The following ELP4 variants were observed in gnomAD, a reference collection of about 807,000 sequenced individuals.
ELP4 encodes the protein elongator acetyltransferase complex subunit 4, also known as elongator complex protein 4.
In ELP4, 51 loss-of-function variants were observed where a neutral mutation model predicts 48.9. The observed-to-expected ratio is 1.04, with a 90% CI of 0.83 to 1.32. The LOEUF is 1.32. ELP4 is among the 40% of genes most tolerant of loss of function. The pLI is 0.00. For synonymous variants in ELP4, 210 were observed against 189.2 expected, an observed-to-expected ratio of 1.11 and a Z score of -0.90; for missense variants, 519 against 514.6, an observed-to-expected ratio of 1.01 and a Z score of -0.08.
chr11:31,704,173 G>C (rs562055413), intron 9 of ELP4, among the ~76,000 whole-genome samples: 16 of 151,692 alleles, frequency 1.1e-4, no homozygotes, highest in African/African-American at 3.9e-4. Context: ...TTCAGATCCT[G>C]TTCTTGTAGT....
intron 1 of ELP4, among the ~76,000 whole-genome samples, chr11:31,518,643 T>G (rs1430932660): frequency 1.3e-5 from 2 of 151,552 alleles, no homozygotes; most frequent in Non-Finnish European, 2.9e-5. Context: ...ACACCTGTAA[T>G]CTCACCACTT....
intron 1 of ELP4, among the ~76,000 whole-genome samples, chr11:31,513,903 C>T (rs1956057079): frequency 6.6e-6 from 1 of 152,022 alleles, no homozygotes; most frequent in Admixed American, 6.5e-5. Context: ...AGAAAAAATG[C>T]CTATTTTTAA....
At chr11:31,510,657 A>G (rs1008126617) in intron 1 of ELP4, 4 of 327,684 alleles carry the variant, frequency 1.2e-5, no homozygotes, top group South Asian at 1.6e-4. Context: ...GCTTCCCAGT[A>G]TTGATTGCTG....
At chr11:31,685,312 T>C (rs1409139927) in intron 9 of ELP4, among the ~76,000 whole-genome samples, 1 of 151,800 alleles carries the variant, frequency 6.6e-6, no homozygotes, top group African/African-American at 2.4e-5. Context: ...GATCGCGCCA[T>C]TGCACTCCAG....
At chr11:31,685,307 C>T (rs992462139) in intron 9 of ELP4, among the ~76,000 whole-genome samples, 3 of 152,020 alleles carry the variant, frequency 2.0e-5, no homozygotes, top group East Asian at 1.9e-4. Context: ...GCTGAGATCG[C>T]GCCATTGCAC....
chr11:31,515,534 A>T (rs1397952099), intron 1 of ELP4, among the ~76,000 whole-genome samples: 1 of 152,094 alleles, frequency 6.6e-6, no homozygotes, highest in Non-Finnish European at 1.5e-5. Flanking sequence ...TCATGGTTAC[A>T]TGTTCCTATA....
At chr11:31,618,147 A>G (rs569728023) in intron 5 of ELP4, among the ~76,000 whole-genome samples, 2 of 152,242 alleles carry the variant, frequency 1.3e-5, no homozygotes, top group South Asian at 4.1e-4. Context: ...ATTTCACCAT[A>G]AAAAGGAATG....
intron 5 of ELP4, among the ~76,000 whole-genome samples, chr11:31,625,184 G>A (rs918312118): frequency 5.3e-5 from 8 of 151,530 alleles, no homozygotes; most frequent in East Asian, 1.9e-4. Context: ...CACCATAAAC[G>A]TGAGTAATAT....
chr11:31,622,760 G>A (rs1031426788), intron 5 of ELP4, among the ~76,000 whole-genome samples: 10 of 151,330 alleles, frequency 6.6e-5, no homozygotes, highest in Non-Finnish European at 8.9e-5. Flanking sequence ...AAACTTGGTC[G>A]TCAGAAAACA....
intron 1 of ELP4, chr11:31,510,252 A>G (rs1208257623): frequency 1.2e-5 from 7 of 564,030 alleles, no homozygotes; most frequent in African/African-American, 1.9e-5. Context: ...CCCTTTTCAT[A>G]TTACGGAGGA....
chr11:31,656,666 C>G (rs1165363121), intron 9 of ELP4, among the ~76,000 whole-genome samples: 1 of 151,966 alleles, frequency 6.6e-6, no homozygotes, highest in East Asian at 1.9e-4. Flanking sequence ...TAGAATCTTA[C>G]TAACAGTCTC....
At chr11:31,676,359 T>G (rs1173887502) in intron 9 of ELP4, among the ~76,000 whole-genome samples, 1 of 152,218 alleles carries the variant, frequency 6.6e-6, no homozygotes, top group Non-Finnish European at 1.5e-5. Context: ...TCACTCTTAA[T>G]CTGCTTCATG....
intron 9 of ELP4, among the ~76,000 whole-genome samples, chr11:31,732,479 A>T (rs903212386): frequency 1.3e-5 from 2 of 151,538 alleles, no homozygotes; most frequent in Admixed American, 1.3e-4. Flanking sequence ...TAAAAAAAAA[A>T]AAAATAAATG....
chr11:31,567,147 G>A (rs1388291775), intron 3 of ELP4, among the ~76,000 whole-genome samples: 2 of 151,864 alleles, frequency 1.3e-5, no homozygotes, highest in African/African-American at 2.4e-5. Context: ...TGGTCAGGCT[G>A]GTCTCGAACT....
chr11:31,671,286 A>G (rs546677697), intron 9 of ELP4, among the ~76,000 whole-genome samples: 1 of 152,026 alleles, frequency 6.6e-6, no homozygotes, highest in Non-Finnish European at 1.5e-5. Flanking sequence ...TGTGTAGAGC[A>G]CAAAACTTAA....
chr11:31,682,251 T>C (rs1474844991), intron 9 of ELP4, among the ~76,000 whole-genome samples: 1 of 152,196 alleles, frequency 6.6e-6, no homozygotes, highest in Non-Finnish European at 1.5e-5. Flanking sequence ...GGAAGAATCA[T>C]AGATTACTCA....
chr11:31,594,654 T>A lies in ELP4; in HGVS notation c.382-116T>A, dbSNP rs929758175. ...TTTTATGAATTTGTATTTAAATCAA[T>A]GTTAGTCATGAATTTTCAATACATT... On this transcript the variant is annotated intron_variant, in intron 3 of 9. Transcript: ENST00000640961. The A allele has an allele frequency of 2.1e-5, 12 of 558,274 alleles. No individual in the cohort carries two copies. In the South Asian group the frequency reaches 3.8e-4, roughly 18 times the overall value. 34.6% of individuals were successfully genotyped at this position (558,274 alleles called of 1,614,324 possible).
chr11:31,683,898 G>A (rs2213507), intron 9 of ELP4, among the ~76,000 whole-genome samples: 3,152 of 152,172 alleles, frequency 0.021, 105 homozygotes, highest in African/African-American at 0.072. Flanking sequence ...GACTTCAGCC[G>A]TAGGAAAGAA....
Position 31,516,638 on chromosome 11 carries a change from G to A in ELP4, c.224-3418G>A, listed in dbSNP as rs937553183. 5.9e-5 allele frequency among the ~76,000 whole-genome samples: 9 copies of A among 152,102 alleles called. No individual in the cohort carries two copies. The East Asian group carries it at 1.5e-3, about 26-fold the overall frequency. On this transcript the variant is annotated intron_variant, in intron 1 of 9. Coordinates refer to ENST00000640961, the MANE Select transcript of ELP4 (RefSeq NM_019040.5). The stretch of plus-strand genomic sequence containing the variant: ...AGCTCCCCAAGTAGCTGGGACTACA[G>A]GTGGCAGCACGCCTTGCTAATTTTT...
Sources: allele counts gnomAD v4.1 joint callset (sites outside exome capture counted in the v4.1 genomes callset), GRCh38; gene constraint gnomAD v4.1.1; transcripts MANE v1.5; gene names NCBI Gene and HGNC (gene_info 2026-07-23, HGNC 2026-07-21).